TEX26: variants seen among roughly 807,000 people sequenced by gnomAD.
The protein encoded by TEX26 is testis-expressed protein 26.
Under a neutral mutation model 35.3 loss-of-function variants are expected in TEX26, and 34 were observed. The ratio of observed to expected loss-of-function variants is 0.96; its 90% CI spans 0.73 to 1.28. TEX26 has a LOEUF of 1.28. Among genes scored for constraint, TEX26 ranks in the 50% most tolerant of loss-of-function variants. The pLI is 0.00. For missense variants in TEX26, 371 were observed against 330.1 expected, an observed-to-expected ratio of 1.12 and a Z score of -0.96; for synonymous variants, 136 against 111.8, an observed-to-expected ratio of 1.22 and a Z score of -1.36.
intron 2 of TEX26, among the ~76,000 whole-genome samples, chr13:30,950,531 A>G (rs529575990): frequency 6.6e-6 from 1 of 152,306 alleles, no homozygotes; most frequent in East Asian, 1.9e-4. Flanking sequence ...GTGGCAGGAA[A>G]GGAGTCACTT....
intron 4 of TEX26, among the ~76,000 whole-genome samples, chr13:30,963,403 C>T (rs1260937446): frequency 6.6e-6 from 1 of 152,148 alleles, no homozygotes; most frequent in African/African-American, 2.4e-5. Context: ...GCTTAGGTCC[C>T]TTTTTATCAG....
At chr13:30,953,927 A>G (rs779968761) in intron 3 of TEX26, among the ~76,000 whole-genome samples, 1 of 152,206 alleles carries the variant, frequency 6.6e-6, no homozygotes, top group Non-Finnish European at 1.5e-5. Flanking sequence ...TTGATGACTA[A>G]AAGGATGCAA....
intron 5 of TEX26, among the ~76,000 whole-genome samples, chr13:30,966,623 G>A (rs1448801474): frequency 6.6e-6 from 1 of 151,914 alleles, no homozygotes; most frequent in Non-Finnish European, 1.5e-5. Context: ...ATTTTTAGTA[G>A]AGATGGGATT....
At chr13:30,943,689 T>C (rs576147362) in intron 2 of TEX26, among the ~76,000 whole-genome samples, 1 of 152,238 alleles carries the variant, frequency 6.6e-6, no homozygotes, top group South Asian at 2.1e-4. Context: ...TGCTGGATTT[T>C]ATTGAATGCT....
chr13:30,943,975 G>C (rs1953608639), intron 2 of TEX26, among the ~76,000 whole-genome samples: 3 of 152,000 alleles, frequency 2.0e-5, no homozygotes. Flanking sequence ...TTCATAAAAT[G>C]AGTCGGAGAG....
chr13:30,971,488 C>T (rs1954709707), intron 6 of TEX26, among the ~76,000 whole-genome samples: 1 of 151,892 alleles, frequency 6.6e-6, no homozygotes, highest in Non-Finnish European at 1.5e-5. Flanking sequence ...AAGTAATGGG[C>T]CAAGTTGGGT....
chr13:30,962,004 G>A (rs1198632842), intron 4 of TEX26, among the ~76,000 whole-genome samples: 1 of 151,990 alleles, frequency 6.6e-6, no homozygotes. Flanking sequence ...TTCCTATATT[G>A]GGTGCTGAGT....
chr13:30,968,772 C>T, intron 5 of TEX26, 113 bp from the exon 6 acceptor site: 3 of 971,896 alleles, frequency 3.1e-6, no homozygotes, highest in Non-Finnish European at 3.1e-6. Flanking sequence ...AGGATGCTGC[C>T]TAAGCTCAAA....
chr13:30,964,800 A>G (rs1954470840), intron 4 of TEX26, among the ~76,000 whole-genome samples: 1 of 152,158 alleles, frequency 6.6e-6, no homozygotes, highest in Non-Finnish European at 1.5e-5. Context: ...GAGAGAGAGA[A>G]AGGAAGCCAA....
At chr13:30,958,489 T>G (rs1367175369) in intron 4 of TEX26, among the ~76,000 whole-genome samples, 1 of 152,158 alleles carries the variant, frequency 6.6e-6, no homozygotes, top group Non-Finnish European at 1.5e-5. Context: ...ACCCAGTGAC[T>G]GCTGAGGAAG....
In TEX26 at chr13:30,945,426, G is replaced by A. The variant is rs146444398; in HGVS notation, c.146+5648G>A. ...ATCCATTCTGCCAATCTATTAAGTGGAGTATTTAGGCCATTTATGTTCAAT... is the reference window on the plus strand; with the variant it reads ...ATCCATTCTGCCAATCTATTAAGTGAAGTATTTAGGCCATTTATGTTCAAT... On this transcript the variant is annotated intron_variant, in intron 2 of 6. Coordinates refer to ENST00000380473, the MANE Select transcript of TEX26 (RefSeq NM_152325.3). 4.9e-3 allele frequency among the ~76,000 whole-genome samples: 748 copies of A among 151,720 alleles called. 4 individuals are homozygous for A. The highest frequency in any genetic ancestry group is 7.3e-3 in the Non-Finnish European group (494 of 67,734).
chr13:30,968,904 C>A lies in TEX26; in HGVS notation c.666C>A (p.Ser222Arg). The A allele has an allele frequency of 6.2e-7, 1 of 1,613,880 alleles. No individual in the cohort carries two copies. The highest frequency in any genetic ancestry group is 8.5e-7 in the Non-Finnish European group (1 of 1,179,890). ...CTATAGTGCCTTCTGTGCTGCACAGCTACCTGAGGAACCAAGAGCACACAA... is the reference window on the plus strand; with the variant it reads ...CTATAGTGCCTTCTGTGCTGCACAGATACCTGAGGAACCAAGAGCACACAA... ...SQGLVPSVLH[S>R]YLRNQEHTKK... The change falls in exon 6 of 7, where the codon AGC becomes AGA. Residue 222 changes from serine to arginine, a missense_variant. Ser to Arg is a moderately radical substitution (Grantham distance 110). Transcript: ENST00000380473.
intron 2 of TEX26, among the ~76,000 whole-genome samples, chr13:30,950,965 C>T (rs1483990525): frequency 1.3e-5 from 2 of 152,172 alleles, no homozygotes; most frequent in East Asian, 1.9e-4. Flanking sequence ...CAGGTTTGTT[C>T]TCAGGTGGAT....
chr13:30,969,589 G>T (rs993481386), intron 6 of TEX26, among the ~76,000 whole-genome samples: 14 of 152,094 alleles, frequency 9.2e-5, no homozygotes, highest in Non-Finnish European at 2.1e-4. Flanking sequence ...CATCTTAGGG[G>T]CAACAGGTCA....
intron 1 of TEX26, among the ~76,000 whole-genome samples, chr13:30,938,879 G>A (rs1953371405): frequency 6.6e-6 from 1 of 152,088 alleles, no homozygotes. Context: ...GAGTGTTCCA[G>A]GTCTCAGCCT....
intron 1 of TEX26, chr13:30,933,239 G>A (rs1394518281): frequency 6.5e-6 from 1 of 153,426 alleles, no homozygotes; most frequent in African/African-American, 2.4e-5. Context: ...TGTCTGCAGA[G>A]GCAGACGCCC....
At position 30,956,961 on chromosome 13, in the gene TEX26, A is replaced by G. The variant is rs781342477; in HGVS notation, c.401A>G (p.Glu134Gly). ...TGGAAAATCCCGGCTTCAATGAAAGAAGTTAACAAGGCACTATCAAATCAG... is the reference window on the plus strand; with the variant it reads ...TGGAAAATCCCGGCTTCAATGAAAGGAGTTAACAAGGCACTATCAAATCAG... ...LPWKIPASMK[E>G]VNKALSNQFI... Residue 134 changes from glutamate (E) to glycine (G), a missense_variant, in exon 4 of 7, where the codon GAA (glutamate) becomes GGA (glycine). By Grantham distance (98) the Glu-to-Gly change is moderately conservative. Coordinates refer to ENST00000380473, the MANE Select transcript of TEX26 (RefSeq NM_152325.3). The G allele has an allele frequency of 5.0e-6, 8 of 1,614,116 alleles. No homozygotes were observed. Among genetic ancestry groups the G allele is most frequent in the Admixed American group, 1.7e-5 (1 of 60,014 alleles).
intron 4 of TEX26, among the ~76,000 whole-genome samples, chr13:30,961,129 G>A (rs941366046): frequency 6.6e-6 from 1 of 152,152 alleles, no homozygotes; most frequent in Non-Finnish European, 1.5e-5. Context: ...AAGGGGTTGG[G>A]ATCTTCCTGG....
chr13:30,966,562 C>T (rs7982135), intron 5 of TEX26, among the ~76,000 whole-genome samples, 164 bp downstream of exon 5: 16,909 of 151,462 alleles, frequency 0.11, 3,116 homozygotes, highest in African/African-American at 0.39. Context: ...CTCAGCCTCC[C>T]GAGTAGCTAG....
Sources: gnomAD v4.1 joint callset for allele counts (sites outside exome capture counted in the v4.1 genomes callset) on GRCh38, gnomAD v4.1.1 for gene constraint, MANE v1.5 for transcripts, NCBI Gene and HGNC (gene_info 2026-07-23, HGNC 2026-07-21) for gene names.